The following DNAH12 variants were observed in gnomAD, a reference collection of about 807,000 sequenced individuals.
DNAH12 encodes axonemal beta dynein heavy chain 12.
A neutral mutation model predicts 371.5 loss-of-function variants in DNAH12; 285 were observed. That is an observed-to-expected ratio of 0.77 (90% CI 0.70 to 0.85). The LOEUF (loss-of-function observed/expected upper bound fraction) is 0.85, where lower values mean the gene tolerates loss of function less well. Among genes scored for constraint, DNAH12 ranks in the 40% least tolerant of loss-of-function variants. The pLI, the probability that DNAH12 is intolerant of heterozygous loss-of-function variation, is 0.00. For missense variants in DNAH12, 3,611 were observed against 3,689.4 expected, an observed-to-expected ratio of 0.98 and a Z score of 0.55; for synonymous variants, 1,200 against 1,213.0, an observed-to-expected ratio of 0.99 and a Z score of 0.22.
intron 45 of DNAH12, among the ~76,000 whole-genome samples, chr3:57,390,874 G>A (rs977404653): frequency 2.6e-5 from 4 of 152,062 alleles, no homozygotes; most frequent in Non-Finnish European, 5.9e-5. Context: ...AAAATATGTT[G>A]ATGCTACTGT....
intron 70 of DNAH12, among the ~76,000 whole-genome samples, chr3:57,300,783 C>T (rs1005480676): frequency 1.4e-4 from 21 of 152,064 alleles, no homozygotes; most frequent in Admixed American, 6.6e-5. Context: ...AGATCATATA[C>T]CTTTGAGAAT....
intron 13 of DNAH12, among the ~76,000 whole-genome samples, chr3:57,479,935 A>G (rs1214271575): frequency 6.6e-6 from 1 of 152,196 alleles, no homozygotes; most frequent in African/African-American, 2.4e-5. Flanking sequence ...GTAGAGGGAA[A>G]TTTATAGCAC....
intron 35 of DNAH12, 94 bp from the exon 36 acceptor site, chr3:57,421,800 C>A: frequency 7.3e-7 from 1 of 1,362,380 alleles, no homozygotes; most frequent in Non-Finnish European, 1.0e-6. Context: ...AGGATATGCT[C>A]AACTTACTTG....
chr3:57,318,707 T>TA (rs36036953), intron 65 of DNAH12, among the ~76,000 whole-genome samples: 47,620 of 148,578 alleles, frequency 0.32, 8,182 homozygotes, highest in African/African-American at 0.45. Flanking sequence ...ATTCCAAAAT[T>TA]AAAAAAAAAA....
intron 2 of DNAH12, among the ~76,000 whole-genome samples, chr3:57,531,905 T>C (rs2068862928): frequency 6.6e-6 from 1 of 152,096 alleles, no homozygotes; most frequent in Non-Finnish European, 1.5e-5. Flanking sequence ...TCTGATATTA[T>C]CTCTTGGAAT....
At position 57,520,316 on chromosome 3, in the gene DNAH12, CCAGGCTAG is replaced by C. The variant is rs746598447; in HGVS notation, c.279+3259_279+3266del. On this transcript the variant is annotated intron_variant, in intron 4 of 73. Transcript: ENST00000495027. ...AGTAGCGACGGTTTCACCATGTTGG[CCAGGCTAG>C]TCTCGAACCGCCCGCCTCGGCCTCC... is the stretch of plus-strand genomic sequence containing the variant. Among the ~76,000 whole-genome samples, 418 of 152,132 alleles carry C rather than the reference CCAGGCTAG, an allele frequency of 2.7e-3. 2 individuals are homozygous for C. The highest frequency in any genetic ancestry group is 4.7e-3 in the Non-Finnish European group (319 of 67,988).
At chr3:57,484,912 C>T (rs1309766285) in intron 12 of DNAH12, among the ~76,000 whole-genome samples, 2 of 151,546 alleles carry the variant, frequency 1.3e-5, no homozygotes, top group African/African-American at 4.8e-5. Context: ...AAGAAGACAG[C>T]CAAAAAAACC....
intron 22 of DNAH12, among the ~76,000 whole-genome samples, chr3:57,456,099 C>G (rs1221367718): frequency 1.3e-5 from 2 of 152,162 alleles, no homozygotes; most frequent in Non-Finnish European, 2.9e-5. Flanking sequence ...CTAACCTAAG[C>G]TTCAAAGAAG....
chr3:57,446,417 A>G, intron 26 of DNAH12, 120 bp downstream of exon 26: 3 of 1,425,776 alleles, frequency 2.1e-6, no homozygotes, highest in Non-Finnish European at 2.8e-6. Flanking sequence ...TCCTAAAATG[A>G]AAGTCCAAGT....
chr3:57,496,504 T>A (rs1316763797), intron 11 of DNAH12, among the ~76,000 whole-genome samples: 1 of 152,254 alleles, frequency 6.6e-6, no homozygotes, highest in African/African-American at 2.4e-5. Flanking sequence ...AAACTTGGAA[T>A]AGAAGGGAAT....
chr3:57,405,656 T>C lies in DNAH12; in HGVS notation c.6573A>G (p.Ala2191=). The C allele has an allele frequency of 1.3e-6, 2 of 1,550,286 alleles. No homozygotes were observed. The highest frequency in any genetic ancestry group is 1.7e-6 in the Non-Finnish European group (2 of 1,146,142). ...TGTTCTTAATCGCCATACTCACTGG[T>C]GCATTTTGTTTCCTCAAATGTGAAA... The part of the protein sequence containing the change: ...SIFSHLRKQN[A]PVTEEDLRNL... The change falls in exon 41 of 74, where the codon GCA becomes GCG. Residue 2191 remains alanine (A), a synonymous_variant. Coordinates refer to ENST00000495027, the MANE Select transcript of DNAH12 (RefSeq NM_001366028.2).
chr3:57,361,400 CTATATATATATACACACACACTA>C (rs1160128327), intron 58 of DNAH12, among the ~76,000 whole-genome samples: 1 of 143,010 alleles, frequency 7.0e-6, no homozygotes, highest in African/African-American at 2.7e-5. Context: ...TACATACGCA[CTATATATATATACACACACACTA>C]TATATATATA....
chr3:57,466,578 T>C (rs1298966940), intron 17 of DNAH12, among the ~76,000 whole-genome samples: 1 of 152,176 alleles, frequency 6.6e-6, no homozygotes, highest in African/African-American at 2.4e-5. Context: ...TCTCTCTTTA[T>C]AAATGAGAGG....
intron 2 of DNAH12, among the ~76,000 whole-genome samples, chr3:57,534,897 T>C (rs2068976646): frequency 6.6e-6 from 1 of 152,210 alleles, no homozygotes; most frequent in South Asian, 2.1e-4. Flanking sequence ...AAAAAAGTCA[T>C]ATTCTTTGTT....
intron 33 of DNAH12, among the ~76,000 whole-genome samples, chr3:57,429,181 T>A (rs955387330): frequency 6.8e-5 from 1 of 14,654 alleles, no homozygotes; most frequent in Non-Finnish European, 1.6e-4. Context: ...CTCCACACAT[T>A]TTTTTTTTTT....
chr3:57,446,088 T>C lies in DNAH12; in HGVS notation c.4122A>G (p.Val1374=), dbSNP rs2065485860. 1 of 1,551,708 alleles carries C rather than the reference T, an allele frequency of 6.4e-7. No individual in the cohort carries two copies. Among genetic ancestry groups the C allele is most frequent in the Non-Finnish European group, 8.7e-7 (1 of 1,147,004 alleles). Residue 1374 remains valine (V), a synonymous_variant, in exon 27 of 74, where the codon GTA becomes GTG. Transcript: ENST00000495027. ...CATAGCCAGGATTCATGGTAATAGC[T>C]ACAAAACAATTCGGATTGAGCTTAA... ...TELKLNPNCF[V]AITMNPGYAG...
intron 43 of DNAH12, chr3:57,402,508 T>A (rs958187359): frequency 6.4e-5 from 71 of 1,104,334 alleles, no homozygotes; most frequent in Non-Finnish European, 8.6e-5. Flanking sequence ...TTAAATCTGC[T>A]AGAAACCATT....
intron 35 of DNAH12, among the ~76,000 whole-genome samples, chr3:57,422,404 C>T (rs760737642): frequency 1.3e-5 from 2 of 151,968 alleles, no homozygotes; most frequent in Non-Finnish European, 2.9e-5. Flanking sequence ...CCATGTTAGC[C>T]AGGATGGTCT....
intron 11 of DNAH12, among the ~76,000 whole-genome samples, chr3:57,496,704 C>T (rs1164144769): frequency 2.6e-5 from 4 of 152,312 alleles, no homozygotes; most frequent in Non-Finnish European, 5.9e-5. Context: ...CGCAGTGGCT[C>T]ATGCCTGTAA....
Sources: gnomAD v4.1 joint callset for allele counts (sites outside exome capture counted in the v4.1 genomes callset) on GRCh38, gnomAD v4.1.1 for gene constraint, MANE v1.5 for transcripts, NCBI Gene and HGNC (gene_info 2026-07-23, HGNC 2026-07-21) for gene names.